Variants in RNASET2 observed in about 807,000 individuals in gnomAD.
RNASET2 encodes the protein ribonuclease T2, also known as ribonuclease 6.
A neutral mutation model predicts 33.9 loss-of-function variants in RNASET2; 28 were observed. The observed-to-expected ratio is 0.83, with a 90% CI of 0.61 to 1.13. The LOEUF is 1.13. RNASET2 is among the 50% of genes most tolerant of loss of function. The pLI is 0.00. For missense variants in RNASET2, 330 were observed against 319.9 expected, an observed-to-expected ratio of 1.03 and a Z score of -0.24; for synonymous variants, 123 against 121.0, an observed-to-expected ratio of 1.02 and a Z score of -0.11.
At chr6:166,955,276 CACACGACACACACGCACAG>C (rs1779105287) in intron 1 of RNASET2, among the ~76,000 whole-genome samples, 1 of 82,084 alleles carries the variant, frequency 1.2e-5, no homozygotes, top group Non-Finnish European at 2.2e-5. Flanking sequence ...CACACGCGCA[CACACGACACACACGCACAG>C]ACGCGCACAC....
At position 166,930,561 on chromosome 6, in the gene RNASET2, G is replaced by A. The variant is rs533643509; in HGVS notation, c.567+483C>T. 7.2e-5 allele frequency among the ~76,000 whole-genome samples: 10 copies of A among 139,454 alleles called. No individual in the cohort carries two copies. The South Asian group carries it at 2.3e-3, about 33-fold the overall frequency. 91.5% of individuals were successfully genotyped at this position (139,454 alleles called of 152,430 possible). On this transcript the variant is annotated intron_variant, in intron 8 of 8. Coordinates refer to ENST00000508775, the MANE Select transcript of RNASET2 (RefSeq NM_003730.6). The stretch of plus-strand genomic sequence containing the variant: ...ACATGCCCACATGCATGTTCACACA[G>A]AGAACATGCACACACATGCACACAC...
rs1178334358 is a variant in RNASET2 at position 166,927,842 on chromosome 6, G to A, written c.*1746C>T. 6.6e-6 allele frequency among the ~76,000 whole-genome samples: 1 copy of A among 151,862 alleles called. No homozygotes were observed. The highest frequency in any genetic ancestry group is 1.5e-5 in the Non-Finnish European group (1 of 68,012). On this transcript the variant is annotated 3_prime_UTR_variant, in exon 9 of 9. Transcript: ENST00000508775. Reference sequence around the variant, plus strand: ...TGCAGGAAATCACGCCCTTCCAGGTGCAAAACAAATCAGATCTTGTCCCTC... The same window carrying A: ...TGCAGGAAATCACGCCCTTCCAGGTACAAAACAAATCAGATCTTGTCCCTC...
intron 5 of RNASET2, among the ~76,000 whole-genome samples, chr6:166,942,366 T>C (rs2769339): frequency 0.19 from 29,460 of 152,046 alleles, 3,601 homozygotes; most frequent in East Asian, 0.41. Context: ...TTTTTCTTAA[T>C]GTATTTGAAG....
At chr6:166,935,522 C>T (rs969704581) in intron 6 of RNASET2, among the ~76,000 whole-genome samples, 12 of 152,116 alleles carry the variant, frequency 7.9e-5, no homozygotes, top group East Asian at 5.8e-4. Flanking sequence ...GAGCTTGGCA[C>T]GCATCCCAGG....
chr6:166,948,414 G>A, intron 3 of RNASET2, 156 bp downstream of exon 3: 1 of 704,782 alleles, frequency 1.4e-6, no homozygotes, highest in Non-Finnish European at 2.6e-6. Context: ...TCAGGGTTCT[G>A]CTAGAAAGAC....
chr6:166,940,151 C>T (rs1316727770), intron 5 of RNASET2, among the ~76,000 whole-genome samples: 1 of 152,214 alleles, frequency 6.6e-6, no homozygotes, highest in African/African-American at 2.4e-5. Context: ...GGCGTGTCAT[C>T]AGATGTTTAT....
intron 6 of RNASET2, chr6:166,938,488 T>G: frequency 1.9e-6 from 1 of 520,060 alleles, no homozygotes; most frequent in Non-Finnish European, 3.8e-6. Context: ...CCTGCCTGCT[T>G]GTTCCAGGAG....
At chr6:166,954,290 G>A (rs1779054837) in intron 1 of RNASET2, among the ~76,000 whole-genome samples, 1 of 152,244 alleles carries the variant, frequency 6.6e-6, no homozygotes, top group Non-Finnish European at 1.5e-5. Context: ...AATCTTGCCT[G>A]CTCAAGTTTG....
chr6:166,931,652 G>A (rs774781642), intron 7 of RNASET2: 12 of 174,282 alleles, frequency 6.9e-5, no homozygotes, highest in South Asian at 3.9e-4. Context: ...CTTGGATGAG[G>A]GGCCTCCTCC....
intron 5 of RNASET2, among the ~76,000 whole-genome samples, chr6:166,941,988 C>T (rs1283217490): frequency 6.6e-6 from 1 of 151,708 alleles, no homozygotes; most frequent in African/African-American, 2.4e-5. Context: ...GTCTCAGCCT[C>T]ACATGCTAAG....
At chr6:166,948,900 A>G (rs1341011868) in intron 2 of RNASET2, among the ~76,000 whole-genome samples, 1 of 152,214 alleles carries the variant, frequency 6.6e-6, no homozygotes, top group East Asian at 1.9e-4. Context: ...CATTCCTCAA[A>G]TATTTGACTT....
Position 166,926,837 on chromosome 6 carries a change from G to A in RNASET2, c.*2751C>T, listed in dbSNP as rs1778313086. Among the ~76,000 whole-genome samples, 1 of 152,142 alleles carries A rather than the reference G, an allele frequency of 6.6e-6. No individual in the cohort carries two copies. The highest frequency in any genetic ancestry group is 2.4e-5 in the African/African-American group (1 of 41,426). Reference sequence around the variant, plus strand: ...CACTCATCCCTGTGGCCTAGTCCACGGGTCCTCTTTTCCATGGTGCCGCAG... The same window carrying A: ...CACTCATCCCTGTGGCCTAGTCCACAGGTCCTCTTTTCCATGGTGCCGCAG... On this transcript the variant is annotated 3_prime_UTR_variant, in exon 9 of 9. Transcript: ENST00000508775.
chr6:166,937,142 T>A (rs1166643969), intron 6 of RNASET2, among the ~76,000 whole-genome samples: 1 of 152,108 alleles, frequency 6.6e-6, no homozygotes, highest in Non-Finnish European at 1.5e-5. Context: ...ATCCTCATAA[T>A]GACTTTTTTT....
chr6:166,949,193 T>G (rs1583232465), intron 2 of RNASET2, among the ~76,000 whole-genome samples: 2 of 74,774 alleles, frequency 2.7e-5, no homozygotes, highest in South Asian at 4.4e-4. Flanking sequence ...AAAAAAACCG[T>G]GTCTCCAAAA....
At chr6:166,955,227 ACACG>A (rs1294466139) in intron 1 of RNASET2, among the ~76,000 whole-genome samples, 2,244 of 55,082 alleles carry the variant, frequency 0.041, 43 homozygotes, top group South Asian at 0.079. Context: ...ACACGCGCAC[ACACG>A]CACGCACGCA....
At chr6:166,941,935 G>T (rs1778701230) in intron 5 of RNASET2, among the ~76,000 whole-genome samples, 1 of 152,070 alleles carries the variant, frequency 6.6e-6, no homozygotes, top group Non-Finnish European at 1.5e-5. Flanking sequence ...TATGCCCTAG[G>T]CTTAGCTTCT....
chr6:166,955,297 C>T (rs1301097849), intron 1 of RNASET2, among the ~76,000 whole-genome samples: 3 of 36,516 alleles, frequency 8.2e-5, no homozygotes, highest in African/African-American at 1.5e-4. Context: ...CACGCACAGA[C>T]GCGCACACAC....
At position 166,945,838 on chromosome 6, in the gene RNASET2, A is replaced by G. The variant is rs7381531; in HGVS notation, c.261+844T>C. 5.5e-5 allele frequency among the ~76,000 whole-genome samples: 7 copies of G among 126,974 alleles called. No individual in the cohort carries two copies. The East Asian group carries it at 1.6e-3, about 29-fold the overall frequency. 83.3% of individuals were successfully genotyped at this position (126,974 alleles called of 152,430 possible). On this transcript the variant is annotated intron_variant, in intron 4 of 8. Transcript: ENST00000508775. ...AGAGCAAAACTCTGTCTCAAAAAAA[A>G]AAAAAAAAAGAAAAGAAAAGAAAAA...
At position 166,938,962 on chromosome 6, in the gene RNASET2, C is replaced by A. The variant is rs1778634396; in HGVS notation, c.379G>T (p.Ala127Ser). The change falls in exon 6 of 9, where the codon GCG (alanine) becomes TCG (serine). Residue 127 changes from alanine to serine, a missense_variant. Ala to Ser is a moderately conservative substitution (Grantham distance 99). Coordinates refer to ENST00000508775, the MANE Select transcript of RNASET2 (RefSeq NM_003730.6). ...AAGTACTTCTTCTGGGAGTTGAGCGCATCCACCTGGGCGGCGCAGGTCCCA... is the reference window on the plus strand; with the variant it reads ...AAGTACTTCTTCTGGGAGTTGAGCGAATCCACCTGGGCGGCGCAGGTCCCA... ...KHGTCAAQVD[A>S]LNSQKKYFGR... is the part of the protein sequence containing the mutation. 1.2e-6 allele frequency: 2 copies of A among 1,613,670 alleles called. No homozygotes were observed. Among genetic ancestry groups the A allele is most frequent in the South Asian group, 2.2e-5 (2 of 91,086 alleles).
Sources: gnomAD v4.1 joint callset for allele counts (sites outside exome capture counted in the v4.1 genomes callset) on GRCh38, gnomAD v4.1.1 for gene constraint, MANE v1.5 for transcripts, NCBI Gene and HGNC (gene_info 2026-07-23, HGNC 2026-07-21) for gene names.